The following ASCC1 variants were observed in gnomAD, a reference collection of about 807,000 sequenced individuals.
ASCC1 encodes the protein ASC-1 complex subunit P50.
A neutral mutation model predicts 46.6 loss-of-function variants in ASCC1; 35 were observed. The ratio of observed to expected loss-of-function variants is 0.75; its 90% CI spans 0.57 to 0.99. ASCC1 has a LOEUF of 0.99. ASCC1 is among the 50% of genes least tolerant of loss of function. The pLI is 0.00. For missense variants in ASCC1, 376 were observed against 428.7 expected, an observed-to-expected ratio of 0.88 and a Z score of 1.09; for synonymous variants, 143 against 146.6, an observed-to-expected ratio of 0.98 and a Z score of 0.18.
chr10:72,101,444 G>A (rs1841747967), intron 9 of ASCC1, among the ~76,000 whole-genome samples: 3 of 152,278 alleles, frequency 2.0e-5, no homozygotes, highest in Admixed American at 6.5e-5. Flanking sequence ...GACGAGACCT[G>A]AGCTGGGCCT....
intron 5 of ASCC1, among the ~76,000 whole-genome samples, chr10:72,181,430 G>T (rs886464956): frequency 2.0e-5 from 3 of 151,938 alleles, no homozygotes; most frequent in Admixed American, 2.0e-4. Context: ...AAGATAAAAA[G>T]AAACTGAATT....
intron 9 of ASCC1, among the ~76,000 whole-genome samples, chr10:72,112,384 G>A (rs1009193141): frequency 1.1e-4 from 17 of 152,162 alleles, no homozygotes; most frequent in South Asian, 1.0e-3. Flanking sequence ...AATTCATAGA[G>A]ACAGAAACTG....
At chr10:72,102,079 C>T (rs1175299592) in intron 9 of ASCC1, among the ~76,000 whole-genome samples, 1 of 152,050 alleles carries the variant, frequency 6.6e-6, no homozygotes, top group African/African-American at 2.4e-5. Context: ...GTGCAACAAA[C>T]CCCCGTGACA....
At chr10:72,196,552 G>GA (rs1045308134) in intron 5 of ASCC1, among the ~76,000 whole-genome samples, 21 of 151,990 alleles carry the variant, frequency 1.4e-4, no homozygotes, top group African/African-American at 4.8e-4. Flanking sequence ...AATGTGCTGG[G>GA]ATTACAGGCA....
At chr10:72,166,140 C>T (rs1313767941) in intron 5 of ASCC1, among the ~76,000 whole-genome samples, 2 of 152,104 alleles carry the variant, frequency 1.3e-5, no homozygotes, top group African/African-American at 4.8e-5. Context: ...ATATACATAG[C>T]CTTCCTAGTA....
intron 7 of ASCC1, among the ~76,000 whole-genome samples, chr10:72,137,198 GAGCCACCATGC>G (rs1846338177): frequency 1.3e-5 from 2 of 151,716 alleles, no homozygotes; most frequent in African/African-American, 4.8e-5. Flanking sequence ...CGACAGGTGT[GAGCCACCATGC>G]CAGGCCATCA....
chr10:72,201,300 ACTGTCCC>A (rs1183000063), intron 4 of ASCC1, among the ~76,000 whole-genome samples: 1 of 152,184 alleles, frequency 6.6e-6, no homozygotes, highest in African/African-American at 2.4e-5. Flanking sequence ...GGTATATGCC[ACTGTCCC>A]CAGTCAAGGT....
At chr10:72,206,493 A>G (rs886183816) in intron 3 of ASCC1, among the ~76,000 whole-genome samples, 4 of 152,218 alleles carry the variant, frequency 2.6e-5, no homozygotes. Context: ...ATGTGATCAT[A>G]TATGAAAGAG....
At chr10:72,212,956 T>C (rs1251507482) in intron 2 of ASCC1, among the ~76,000 whole-genome samples, 1 of 151,874 alleles carries the variant, frequency 6.6e-6, no homozygotes, top group Non-Finnish European at 1.5e-5. Context: ...CTCTATGATA[T>C]TTAAACCTCT....
intron 5 of ASCC1, chr10:72,190,066 C>T (rs1854180973): frequency 1.3e-6 from 1 of 758,632 alleles, no homozygotes; most frequent in Non-Finnish European, 2.4e-6. Flanking sequence ...CTCCCCACCC[C>T]ACCCAGCCTG....
At chr10:72,169,082 G>T (rs1441762646) in intron 5 of ASCC1, among the ~76,000 whole-genome samples, 1 of 152,200 alleles carries the variant, frequency 6.6e-6, no homozygotes, top group African/African-American at 2.4e-5. Flanking sequence ...GTATAGAATG[G>T]TTGCAAACTA....
At chr10:72,161,460 T>C in intron 6 of ASCC1, 78 bp downstream of exon 6, 1 of 1,590,124 alleles carries the variant, frequency 6.3e-7, no homozygotes, top group South Asian at 1.1e-5. Context: ...CACCCTCTGG[T>C]TCAAAAACAA....
chr10:72,104,865 A>C (rs1477604318), intron 9 of ASCC1, among the ~76,000 whole-genome samples: 1 of 152,180 alleles, frequency 6.6e-6, no homozygotes, highest in Non-Finnish European at 1.5e-5. Flanking sequence ...GATTTAAGAA[A>C]ATTTAAAACC....
chr10:72,127,230 A>G lies in ASCC1; in HGVS notation c.957+852T>C, dbSNP rs1016430995. On this transcript the variant is annotated intron_variant, in intron 9 of 9. Transcript: ENST00000672957. ...CTTACAGAGCAAGTGAAAAGAAGAA[A>G]TGAAAACCTCTCCATTAGTATCAAC... Among the ~76,000 whole-genome samples the G allele has an allele frequency of 4.6e-5, 7 of 152,236 alleles. No homozygotes were observed. In the East Asian group the frequency reaches 9.6e-4, roughly 21 times the overall value.
chr10:72,121,497 T>C (rs566322280), intron 9 of ASCC1, among the ~76,000 whole-genome samples: 3 of 148,174 alleles, frequency 2.0e-5, no homozygotes, highest in Admixed American at 2.0e-4. Context: ...TAAAGGGATG[T>C]CCCAGCATAG....
intron 7 of ASCC1, among the ~76,000 whole-genome samples, chr10:72,149,563 A>C (rs1456505093): frequency 6.6e-6 from 1 of 152,192 alleles, no homozygotes; most frequent in African/African-American, 2.4e-5. Flanking sequence ...GTAAAACAAA[A>C]ACTCTTTGAG....
intron 6 of ASCC1, among the ~76,000 whole-genome samples, chr10:72,160,955 C>T (rs1389317348): frequency 3.3e-5 from 5 of 151,630 alleles, no homozygotes; most frequent in East Asian, 1.9e-4. Flanking sequence ...CGGTGGCGGG[C>T]GCCTGTAGTC....
intron 1 of ASCC1, among the ~76,000 whole-genome samples, chr10:72,214,806 T>C (rs1858857678): frequency 6.6e-6 from 1 of 152,144 alleles, no homozygotes; most frequent in South Asian, 2.1e-4. Context: ...CAGTTCCAGT[T>C]GTCTGTTAAA....
chr10:72,133,447 G>A, intron 7 of ASCC1: 1 of 443,426 alleles, frequency 2.3e-6, no homozygotes, highest in South Asian at 2.1e-5. Flanking sequence ...CATGGAGAGG[G>A]CCAGGTTTCC....
Sources: allele counts gnomAD v4.1 joint callset (sites outside exome capture counted in the v4.1 genomes callset), GRCh38; gene constraint gnomAD v4.1.1; transcripts MANE v1.5; gene names NCBI Gene and HGNC (gene_info 2026-07-23, HGNC 2026-07-21).